Variants in UBE2E2 observed in about 807,000 individuals in gnomAD.
The protein encoded by UBE2E2 is ubiquitin-conjugating enzyme E2 E2.
A neutral mutation model predicts 24.7 loss-of-function variants in UBE2E2; 6 were observed. The observed-to-expected ratio is 0.24, with a 90% CI of 0.13 to 0.48. The LOEUF is 0.48. UBE2E2 is among the 20% of genes least tolerant of loss of function. The pLI, the probability that UBE2E2 is intolerant of heterozygous loss-of-function variation, is 0.99. For synonymous variants in UBE2E2, 104 were observed against 83.6 expected, an observed-to-expected ratio of 1.24 and a Z score of -1.33; for missense variants, 169 against 245.0, an observed-to-expected ratio of 0.69 and a Z score of 2.07.
chr3:23,563,884 G>A (rs1695996573), intron 5 of UBE2E2, among the ~76,000 whole-genome samples: 1 of 151,978 alleles, frequency 6.6e-6, no homozygotes, highest in Non-Finnish European at 1.5e-5. Flanking sequence ...TATAGCATGT[G>A]TGAGGGCCAA....
chr3:23,447,720 T>C (rs1461370855), intron 3 of UBE2E2, among the ~76,000 whole-genome samples: 1 of 152,226 alleles, frequency 6.6e-6, no homozygotes, highest in Non-Finnish European at 1.5e-5. Flanking sequence ...CTGTTACACT[T>C]ATCAAGAGAC....
chr3:23,315,019 T>C (rs1214517179), intron 3 of UBE2E2, among the ~76,000 whole-genome samples: 1 of 152,198 alleles, frequency 6.6e-6, no homozygotes, highest in African/African-American at 2.4e-5. Flanking sequence ...TCTTTGTTAT[T>C]AGCCCTTTGA....
intron 3 of UBE2E2, among the ~76,000 whole-genome samples, chr3:23,375,189 C>T (rs984604247): frequency 2.6e-5 from 4 of 152,082 alleles, no homozygotes; most frequent in Non-Finnish European, 4.4e-5. Context: ...TTATTAGAAA[C>T]TTTGCTCTTT....
intron 3 of UBE2E2, among the ~76,000 whole-genome samples, chr3:23,221,676 G>T (rs1696648299): frequency 6.6e-6 from 1 of 150,848 alleles, no homozygotes; most frequent in Non-Finnish European, 1.5e-5. Flanking sequence ...CGCTCTTGTC[G>T]CCCAAACTAG....
chr3:23,353,499 C>T (rs1695829518), intron 3 of UBE2E2, among the ~76,000 whole-genome samples: 1 of 152,188 alleles, frequency 6.6e-6, no homozygotes, highest in African/African-American at 2.4e-5. Context: ...ATCGTGTCAG[C>T]CCAAAATCTC....
At chr3:23,558,175 G>A (rs1356888148) in intron 5 of UBE2E2, among the ~76,000 whole-genome samples, 1 of 152,198 alleles carries the variant, frequency 6.6e-6, no homozygotes, top group East Asian at 1.9e-4. Context: ...AAACCCAGTT[G>A]TCTAAATATT....
intron 3 of UBE2E2, among the ~76,000 whole-genome samples, chr3:23,363,844 T>A (rs1311001937): frequency 6.6e-6 from 1 of 151,836 alleles, no homozygotes; most frequent in African/African-American, 2.4e-5. Flanking sequence ...AGATATACAT[T>A]CTTCTCATCT....
intron 3 of UBE2E2, among the ~76,000 whole-genome samples, chr3:23,345,579 C>T (rs1695532161): frequency 6.6e-6 from 1 of 151,982 alleles, no homozygotes; most frequent in South Asian, 2.1e-4. Context: ...ATAGCATTGA[C>T]AAATTACTCA....
At chr3:23,585,048 T>G (rs930544326) in intron 5 of UBE2E2, among the ~76,000 whole-genome samples, 1 of 152,116 alleles carries the variant, frequency 6.6e-6, no homozygotes, top group African/African-American at 2.4e-5. Flanking sequence ...TTCATTCAGG[T>G]TATTATTTTA....
intron 3 of UBE2E2, among the ~76,000 whole-genome samples, chr3:23,274,418 T>A (rs1575524999): frequency 6.6e-6 from 1 of 152,072 alleles, no homozygotes; most frequent in Non-Finnish European, 1.5e-5. Flanking sequence ...CAGGCTGCAG[T>A]GCAGTGGCAA....
intron 3 of UBE2E2, among the ~76,000 whole-genome samples, chr3:23,484,009 G>A (rs972253999): frequency 1.6e-4 from 24 of 152,304 alleles, no homozygotes; most frequent in African/African-American, 5.8e-4. Flanking sequence ...GAGCCCTGCA[G>A]CTCCTAGGAG....
chr3:23,439,503 C>T (rs1183515326), intron 3 of UBE2E2, among the ~76,000 whole-genome samples: 1 of 152,136 alleles, frequency 6.6e-6, no homozygotes, highest in Admixed American at 6.5e-5. Context: ...GAATTTTAAG[C>T]AAGTGAGCCC....
chr3:23,208,671 A>G, intron 1 of UBE2E2, 21 bp from the exon 2 acceptor site: 2 of 1,579,374 alleles, frequency 1.3e-6, no homozygotes, highest in Non-Finnish European at 1.7e-6. Flanking sequence ...TAAATAAATG[A>G]TTTTTGATTC....
At chr3:23,254,863 A>G (rs1004532145) in intron 3 of UBE2E2, among the ~76,000 whole-genome samples, 2 of 152,070 alleles carry the variant, frequency 1.3e-5, no homozygotes, top group Admixed American at 1.3e-4. Context: ...AGGTCCTTGT[A>G]TAATCTTAAA....
rs1018124258 is a variant in UBE2E2 at position 23,474,994 on chromosome 3, T to C, written c.228-24614T>C. Among the ~76,000 whole-genome samples, 1 of 152,120 alleles carries C rather than the reference T, an allele frequency of 6.6e-6. No homozygotes were observed. Among genetic ancestry groups the C allele is most frequent in the African/African-American group, 2.4e-5 (1 of 41,364 alleles). On this transcript the variant is annotated intron_variant, in intron 3 of 5. Coordinates refer to ENST00000396703, the MANE Select transcript of UBE2E2 (RefSeq NM_152653.4). This position sits in a 1 kb window ranked among gnomAD's most constrained non-coding sequence, Gnocchi z 4.0. ...CTCAAAGTCACCAACTGCATTTTGC[T>C]GAAAGTGATAGAACTTTCTCCATGT... is the stretch of plus-strand genomic sequence containing the variant.
Position 23,591,169 on chromosome 3 carries a change from T to C in UBE2E2, c.*1338T>C, listed in dbSNP as rs1202938957. The C allele has an allele frequency of 6.6e-6, 1 of 152,166 alleles. No homozygotes were observed. The highest frequency in any genetic ancestry group is 1.5e-5 in the Non-Finnish European group (1 of 68,030). The allele number at this position is 152,166 out of a possible 1,614,324, so 9.4% of individuals were successfully genotyped here. The stretch of plus-strand genomic sequence containing the variant: ...GGTGTAGTTTCTAAAACACGCTGAC[T>C]TGCTGATTGATAATTCAGGGTTATT... On this transcript the variant is annotated 3_prime_UTR_variant, in exon 6 of 6. Transcript: ENST00000396703.
chr3:23,370,472 T>G (rs989938782), intron 3 of UBE2E2, among the ~76,000 whole-genome samples: 3 of 152,202 alleles, frequency 2.0e-5, no homozygotes, highest in African/African-American at 7.2e-5. Flanking sequence ...AGTGGGAATT[T>G]AGGAAGAGGG....
At chr3:23,569,368 T>C (rs2125510949) in intron 5 of UBE2E2, among the ~76,000 whole-genome samples, 1 of 152,320 alleles carries the variant, frequency 6.6e-6, no homozygotes, top group East Asian at 1.9e-4. Flanking sequence ...CAGGGTTTCT[T>C]TTTGGAATGA....
chr3:23,522,435 A>G (rs1694891258), intron 4 of UBE2E2, among the ~76,000 whole-genome samples: 1 of 152,072 alleles, frequency 6.6e-6, no homozygotes, highest in African/African-American at 2.4e-5. Context: ...CCTGGCCATA[A>G]CCAGCTTATT....
Sources: gnomAD v4.1 joint callset for allele counts (sites outside exome capture counted in the v4.1 genomes callset) on GRCh38, gnomAD v4.1.1 for gene constraint, Gnocchi (gnomAD v3.1) non-coding constraint, MANE v1.5 for transcripts, NCBI Gene and HGNC (gene_info 2026-07-23, HGNC 2026-07-21) for gene names.